Variants in RIN3 observed in about 807,000 individuals in gnomAD.
RIN3 encodes the protein RAB5 interacting protein 3.
Under a neutral mutation model 76.3 loss-of-function variants are expected in RIN3, and 54 were observed. That is an observed-to-expected ratio of 0.71 (90% CI 0.57 to 0.89). The LOEUF (loss-of-function observed/expected upper bound fraction) is 0.89. Ranked by LOEUF, RIN3 falls within the 40% of genes least tolerant of loss-of-function variation. RIN3 has a pLI of 0.00. For missense variants in RIN3, 1,256 were observed against 1,322.1 expected (o/e 0.95, Z 0.78); for synonymous variants, 576 against 564.0 (o/e 1.02, Z -0.30).
At chr14:92,646,355 A>G (rs960876851) in intron 5 of RIN3, among the ~76,000 whole-genome samples, 2 of 152,212 alleles carry the variant, frequency 1.3e-5, no homozygotes, top group Non-Finnish European at 2.9e-5. Flanking sequence ...CCTCTGCACC[A>G]TGCCCTCCAC....
chr14:92,571,909 T>G (rs1207328584), intron 2 of RIN3, among the ~76,000 whole-genome samples: 1 of 152,166 alleles, frequency 6.6e-6, no homozygotes, highest in Non-Finnish European at 1.5e-5. Flanking sequence ...GGAGTCCAGA[T>G]GGGTCTGCAG....
chr14:92,552,997 CTGTT>C (rs1487503243), intron 1 of RIN3, among the ~76,000 whole-genome samples: 1 of 147,692 alleles, frequency 6.8e-6, no homozygotes, highest in East Asian at 2.0e-4. Flanking sequence ...CAGAACCTCT[CTGTT>C]TGATCGCAGC....
At chr14:92,592,600 T>C (rs1389796953) in intron 3 of RIN3, among the ~76,000 whole-genome samples, 1 of 151,280 alleles carries the variant, frequency 6.6e-6, no homozygotes, top group Admixed American at 6.6e-5. Flanking sequence ...ACAATGTAAG[T>C]ACTATGTAAA....
intron 1 of RIN3, among the ~76,000 whole-genome samples, chr14:92,553,851 G>A (rs774583247): frequency 3.3e-5 from 5 of 152,036 alleles, no homozygotes; most frequent in African/African-American, 7.3e-5. Context: ...TTAATACAGC[G>A]CTGCCTGACC....
intron 3 of RIN3, among the ~76,000 whole-genome samples, chr14:92,607,289 C>T (rs553217079): frequency 5.1e-4 from 78 of 152,258 alleles, no homozygotes; most frequent in African/African-American, 1.8e-3. Context: ...ACTGAATCAC[C>T]CCTGCATTGG....
At chr14:92,555,613 GATTTTTTTTTAATTC>G in intron 1 of RIN3, 123 bp from the exon 2 acceptor site, 1 of 807,022 alleles carries the variant, frequency 1.2e-6, no homozygotes. Context: ...ATGGTTTGTT[GATTTTTTTTTAATTC>G]CCCAAAGGGC....
intron 4 of RIN3, among the ~76,000 whole-genome samples, chr14:92,636,467 C>T (rs1159188159): frequency 1.3e-5 from 2 of 152,170 alleles, no homozygotes; most frequent in Non-Finnish European, 2.9e-5. Context: ...GCCTGTAATC[C>T]CAGCTACTTG....
intron 7 of RIN3, among the ~76,000 whole-genome samples, chr14:92,672,230 A>T (rs2140164761): frequency 6.6e-6 from 1 of 151,876 alleles, no homozygotes. Flanking sequence ...ACATGGCAAA[A>T]TCCCATCTCT....
At chr14:92,600,297 G>A (rs922471678) in intron 3 of RIN3, among the ~76,000 whole-genome samples, 3 of 152,140 alleles carry the variant, frequency 2.0e-5, no homozygotes, top group Admixed American at 2.0e-4. Context: ...TGCAGTTAGG[G>A]CACAATCCAG....
intron 5 of RIN3, among the ~76,000 whole-genome samples, chr14:92,646,629 G>A (rs57281976): frequency 0.2 from 30,813 of 152,070 alleles, 3,458 homozygotes; most frequent in South Asian, 0.28. Context: ...TAGTAGAGAT[G>A]GAGTTTCACC....
At chr14:92,553,282 A>T (rs1306184314) in intron 1 of RIN3, among the ~76,000 whole-genome samples, 1 of 152,186 alleles carries the variant, frequency 6.6e-6, no homozygotes, top group Non-Finnish European at 1.5e-5. Context: ...TTTAAGGATG[A>T]TTATAGCGTC....
chr14:92,602,658 T>C (rs1885387237), intron 3 of RIN3, among the ~76,000 whole-genome samples: 1 of 152,282 alleles, frequency 6.6e-6, no homozygotes, highest in African/African-American at 2.4e-5. Context: ...CTTTGAAAAC[T>C]GTAACCCTCC....
At chr14:92,517,206 G>C (rs1226883701) in intron 1 of RIN3, among the ~76,000 whole-genome samples, 1 of 152,224 alleles carries the variant, frequency 6.6e-6, no homozygotes, top group African/African-American at 2.4e-5. Flanking sequence ...CTGAGCAAAG[G>C]TTCGGGAGGT....
At chr14:92,520,321 G>A (rs1896562969) in intron 1 of RIN3, among the ~76,000 whole-genome samples, 1 of 152,172 alleles carries the variant, frequency 6.6e-6, no homozygotes, top group Non-Finnish European at 1.5e-5. Flanking sequence ...CCAGAGCCTG[G>A]CTCTACACAC....
intron 8 of RIN3, among the ~76,000 whole-genome samples, chr14:92,684,113 T>G (rs112410833): frequency 1.5e-4 from 23 of 152,134 alleles, no homozygotes; most frequent in African/African-American, 4.8e-4. Context: ...GCCATGGTGG[T>G]TCATGTCAGT....
intron 1 of RIN3, among the ~76,000 whole-genome samples, chr14:92,528,818 G>T (rs1275160235): frequency 2.6e-5 from 4 of 152,308 alleles, no homozygotes; most frequent in African/African-American, 9.6e-5. Context: ...TGCATGACAT[G>T]ATGGGGAGAG....
chr14:92,687,231 G>A (rs958852183), intron 9 of RIN3: 40 of 152,442 alleles, frequency 2.6e-4, no homozygotes, highest in African/African-American at 9.4e-4. Context: ...CACAGGCAGT[G>A]GGAGCAAAGG....
rs1887437794 is a variant in RIN3, at chr14:92,651,807, C to T, written c.758C>T (p.Pro253Leu). ...CSSALPTDQP[P>L]LGNCPARPLP... is the part of the protein sequence containing the mutation. ...AGCGCCCTGCCCACCGACCAGCCAC[C>T]TCTTGGAAATTGCCCTGCACGCCCT... The change falls in exon 6 of 10, where the codon CCT (proline) becomes CTT (leucine). Residue 253 changes from proline to leucine, a missense_variant. Pro to Leu is a moderately conservative substitution (Grantham distance 98). Transcript: ENST00000216487. The T allele has an allele frequency of 6.2e-7, 1 of 1,613,582 alleles. No homozygotes were observed. Among genetic ancestry groups the T allele is most frequent in the Non-Finnish European group, 8.5e-7 (1 of 1,179,576 alleles).
intron 1 of RIN3, among the ~76,000 whole-genome samples, chr14:92,548,912 A>G (rs1480888249): frequency 2.0e-5 from 3 of 152,158 alleles, no homozygotes; most frequent in Non-Finnish European, 4.4e-5. Flanking sequence ...TGACTGAATT[A>G]ACAGGATTTG....
Sources: allele counts gnomAD v4.1 joint callset (sites outside exome capture counted in the v4.1 genomes callset), GRCh38; gene constraint gnomAD v4.1.1; transcripts MANE v1.5; gene names NCBI Gene and HGNC (gene_info 2026-07-23, HGNC 2026-07-21).